STK38L: variants seen among roughly 807,000 people sequenced by gnomAD.
STK38L encodes serine/threonine-protein kinase 38-like.
A neutral mutation model predicts 59.7 loss-of-function variants in STK38L; 28 were observed. The observed-to-expected ratio is 0.47, with a 90% CI of 0.35 to 0.64. The LOEUF (loss-of-function observed/expected upper bound fraction) is 0.64, where lower values mean the gene tolerates loss of function less well. Ranked by LOEUF, STK38L falls within the 30% of genes least tolerant of loss-of-function variation. The pLI is 0.01. For missense variants in STK38L, 314 were observed against 555.8 expected (o/e 0.56, Z 4.37); for synonymous variants, 162 against 176.8 (o/e 0.92, Z 0.66).
chr12:27,311,549 A>G (rs967866818), intron 5 of STK38L, among the ~76,000 whole-genome samples: 2 of 152,232 alleles, frequency 1.3e-5, no homozygotes, highest in Non-Finnish European at 2.9e-5. Flanking sequence ...AGCATCTGCA[A>G]ACTGACCAGT....
chr12:27,297,666 G>GT lies in STK38L; in HGVS notation c.-11-36dup, dbSNP rs570743044. 4,753 of 1,560,442 alleles carry GT rather than the reference G, an allele frequency of 3.0e-3. 52 individuals are homozygous for GT. Among genetic ancestry groups the GT allele is most frequent in the South Asian group, 0.025 (2,073 of 82,870 alleles). On this transcript the variant is annotated intron_variant, in intron 1 of 13. Coordinates refer to ENST00000389032, the MANE Select transcript of STK38L (RefSeq NM_015000.4). ...TCAGAGTTTATTATAAAAGATAGGG[G>GT]TTTTTTTTCCCACTGAATAATTTGT...
At chr12:27,288,053 T>C (rs1943814114) in intron 1 of STK38L, among the ~76,000 whole-genome samples, 1 of 152,166 alleles carries the variant, frequency 6.6e-6, no homozygotes, top group Non-Finnish European at 1.5e-5. Flanking sequence ...CAGCTAATTC[T>C]GTATTTTTAG....
In STK38L at chr12:27,308,825, A is replaced by AT. The variant is rs1555142066; in HGVS notation, c.310-289_310-288insT. Among the ~76,000 whole-genome samples the AT allele has an allele frequency of 6.8e-6, 1 of 148,082 alleles. No homozygotes were observed. The highest frequency in any genetic ancestry group is 2.5e-5 in the African/African-American group (1 of 40,648). ...CATGAGTGAAACGCTCTCTCAAAAA[A>AT]ATATATATATGTGTTTGTATGTATA... On this transcript the variant is annotated intron_variant, in intron 4 of 13. Transcript: ENST00000389032. The surrounding 1 kb of genome is among the most constrained non-coding windows in gnomAD (Gnocchi z 4.5).
At chr12:27,313,533 C>G (rs889249345) in intron 6 of STK38L, among the ~76,000 whole-genome samples, 5 of 152,002 alleles carry the variant, frequency 3.3e-5, no homozygotes, top group Non-Finnish European at 5.9e-5. Context: ...AGGTGCCCAC[C>G]ACCATGCCCA....
chr12:27,253,515 T>A (rs1032408086), intron 1 of STK38L, among the ~76,000 whole-genome samples: 12 of 152,048 alleles, frequency 7.9e-5, no homozygotes, highest in African/African-American at 2.9e-4. Context: ...TGCCAGGAGA[T>A]ATGGAAAGGG....
rs140289273 is a variant in STK38L, at chr12:27,291,584, A to G, written c.-11-6126A>G. 3.7e-3 allele frequency among the ~76,000 whole-genome samples: 560 copies of G among 152,350 alleles called. 4 individuals carry two copies. The highest frequency in any genetic ancestry group is 0.013 in the African/African-American group (527 of 41,582). On this transcript the variant is annotated intron_variant, in intron 1 of 13. Coordinates refer to ENST00000389032, the MANE Select transcript of STK38L (RefSeq NM_015000.4). ...ATAAATGTTGGTTGAAAATAAAACA[A>G]TTAGTGAAAGTTAATGCTGGGATTT...
intron 1 of STK38L, among the ~76,000 whole-genome samples, chr12:27,275,253 G>A (rs1943508680): frequency 1.3e-5 from 2 of 151,220 alleles, no homozygotes; most frequent in African/African-American, 4.9e-5. Context: ...AGGCCTTTTG[G>A]TATTTTCAGC....
chr12:27,292,901 T>C (rs11048966), intron 1 of STK38L, among the ~76,000 whole-genome samples: 10,528 of 152,270 alleles, frequency 0.069, 489 homozygotes, highest in Non-Finnish European at 0.11. Flanking sequence ...TTCATAAATA[T>C]TTATCTAAAA....
At chr12:27,248,576 G>A (rs1343559771) in intron 1 of STK38L, among the ~76,000 whole-genome samples, 1 of 152,216 alleles carries the variant, frequency 6.6e-6, no homozygotes, top group Non-Finnish European at 1.5e-5. Context: ...TTTCCTAACT[G>A]TCCAGCAGGA....
intron 1 of STK38L, among the ~76,000 whole-genome samples, chr12:27,292,135 T>C (rs923981015): frequency 2.6e-5 from 4 of 152,192 alleles, no homozygotes; most frequent in African/African-American, 9.6e-5. Flanking sequence ...GACTTGCAAA[T>C]TGTATCCTGT....
intron 1 of STK38L, among the ~76,000 whole-genome samples, chr12:27,273,713 G>C (rs1421648220): frequency 8.3e-6 from 1 of 120,666 alleles, no homozygotes; most frequent in East Asian, 1.9e-4. Flanking sequence ...GAAAATCTGG[G>C]AAGTATAAGG....
rs1332991973 is a variant in STK38L, at chr12:27,281,365, G to A, written c.-11-16345G>A. 1.1e-4 allele frequency among the ~76,000 whole-genome samples: 17 copies of A among 149,076 alleles called. 8 individuals are homozygous for A. The highest frequency in any genetic ancestry group is 2.5e-4 in the Non-Finnish European group (17 of 67,176). ...CTCCCAAAGTGCTGGGATTACAGGC[G>A]TGAGCCACCGCGCCCGGCCCGGCTT... On this transcript the variant is annotated intron_variant, in intron 1 of 13. Coordinates refer to ENST00000389032, the MANE Select transcript of STK38L (RefSeq NM_015000.4).
intron 1 of STK38L, among the ~76,000 whole-genome samples, chr12:27,267,554 T>G (rs1297511715): frequency 1.3e-5 from 2 of 152,250 alleles, no homozygotes; most frequent in African/African-American, 4.8e-5. Context: ...ATTGTTATGA[T>G]GCAGTGTCTC....
At chr12:27,319,493 C>T in intron 12 of STK38L, 70 bp downstream of exon 12, 3 of 1,014,104 alleles carry the variant, frequency 3.0e-6, no homozygotes, top group Non-Finnish European at 4.6e-6. Flanking sequence ...AATTAATTTA[C>T]CTCTGATTCT....
At chr12:27,246,735 G>T (rs1197445117) in intron 1 of STK38L, among the ~76,000 whole-genome samples, 3 of 126,244 alleles carry the variant, frequency 2.4e-5, no homozygotes, top group African/African-American at 9.6e-5. Flanking sequence ...AGCAAGGTAT[G>T]ACCAGTACTT....
At chr12:27,267,891 C>T (rs1943332460) in intron 1 of STK38L, among the ~76,000 whole-genome samples, 1 of 152,046 alleles carries the variant, frequency 6.6e-6, no homozygotes, top group South Asian at 2.1e-4. Flanking sequence ...TGTGAAATTC[C>T]TATTCGGGTT....
intron 1 of STK38L, among the ~76,000 whole-genome samples, chr12:27,271,742 C>T (rs1943427676): frequency 6.6e-6 from 1 of 152,170 alleles, no homozygotes; most frequent in African/African-American, 2.4e-5. Context: ...CTCTGTCACC[C>T]AGGCTGGAGT....
chr12:27,263,361 A>G (rs1283995095), intron 1 of STK38L, among the ~76,000 whole-genome samples: 2 of 152,104 alleles, frequency 1.3e-5, no homozygotes, highest in African/African-American at 4.8e-5. Context: ...CTTTTATTTT[A>G]TTACACTTCT....
chr12:27,319,159 G>C (rs940556027), intron 11 of STK38L, among the ~76,000 whole-genome samples, 169 bp from the exon 12 acceptor site: 1 of 152,088 alleles, frequency 6.6e-6, no homozygotes, highest in Non-Finnish European at 1.5e-5. Context: ...TCTAAACAGT[G>C]CGCTTACAGA....
Sources: allele counts gnomAD v4.1 joint callset (sites outside exome capture counted in the v4.1 genomes callset), GRCh38; gene constraint gnomAD v4.1.1; non-coding constraint Gnocchi (gnomAD v3.1); transcripts MANE v1.5; gene names NCBI Gene and HGNC (gene_info 2026-07-23, HGNC 2026-07-21).